DPP10: variants seen among roughly 807,000 people sequenced by gnomAD.
The protein encoded by DPP10 is dipeptidyl peptidase like 10.
In DPP10, 33 loss-of-function variants were observed where a neutral mutation model predicts 120.9. The ratio of observed to expected loss-of-function variants is 0.27; its 90% CI spans 0.21 to 0.37. The LOEUF (loss-of-function observed/expected upper bound fraction) is 0.37, where lower values mean the gene tolerates loss of function less well. Ranked by LOEUF, DPP10 falls within the 10% of genes least tolerant of loss-of-function variation. The pLI, the probability that DPP10 is intolerant of heterozygous loss-of-function variation, is 1.00. For missense variants in DPP10, 816 were observed against 942.8 expected, an observed-to-expected ratio of 0.87 and a Z score of 1.76; for synonymous variants, 337 against 326.1, an observed-to-expected ratio of 1.03 and a Z score of -0.36.
At chr2:114,846,747 G>A (rs1688576731) in intron 1 of DPP10, among the ~76,000 whole-genome samples, 1 of 152,056 alleles carries the variant, frequency 6.6e-6, no homozygotes, top group Admixed American at 6.6e-5. Flanking sequence ...TTTATGAGTT[G>A]TTCATAGAAA....
At chr2:115,631,037 C>CTTTTTTTTTTTTTTTTTTTTT (rs58468918) in intron 5 of DPP10, among the ~76,000 whole-genome samples, 2 of 111,356 alleles carry the variant, frequency 1.8e-5, no homozygotes, top group African/African-American at 4.6e-5. Flanking sequence ...TGATCCTGGG[C>CTTTTTTTTTTTTTTTTTTTTT]TTTTTTTTTT....
At chr2:114,478,410 ATTTC>A (rs938567426) in intron 1 of DPP10, among the ~76,000 whole-genome samples, 1 of 152,112 alleles carries the variant, frequency 6.6e-6, no homozygotes, top group African/African-American at 2.4e-5. Flanking sequence ...ATAGAGAGAA[ATTTC>A]CTTAACTTGA....
At chr2:114,939,155 A>T (rs1696705145) in intron 1 of DPP10, among the ~76,000 whole-genome samples, 1 of 152,146 alleles carries the variant, frequency 6.6e-6, no homozygotes, top group African/African-American at 2.4e-5. Context: ...GACAGTTATA[A>T]GAAGAAGAAA....
chr2:115,013,182 C>G (rs1321028678), intron 1 of DPP10, among the ~76,000 whole-genome samples: 1 of 152,136 alleles, frequency 6.6e-6, no homozygotes, highest in Non-Finnish European at 1.5e-5. Context: ...TCTTGTAAGG[C>G]AGGCCTGGTG....
At chr2:115,214,603 A>G (rs1160791855) in intron 1 of DPP10, among the ~76,000 whole-genome samples, 1 of 152,156 alleles carries the variant, frequency 6.6e-6, no homozygotes, top group South Asian at 2.1e-4. Flanking sequence ...TACTTGTGTC[A>G]CTGAACATGT....
intron 3 of DPP10, among the ~76,000 whole-genome samples, chr2:115,349,384 G>A (rs1157175575): frequency 6.6e-6 from 1 of 151,994 alleles, no homozygotes; most frequent in Non-Finnish European, 1.5e-5. Context: ...GGACATTAGT[G>A]CCATAGCTAG....
chr2:115,450,759 T>C (rs2073044625), intron 3 of DPP10, among the ~76,000 whole-genome samples: 2 of 151,884 alleles, frequency 1.3e-5, no homozygotes, highest in African/African-American at 4.8e-5. Context: ...ACTCTGAATG[T>C]TCAGGAAACT....
intron 5 of DPP10, among the ~76,000 whole-genome samples, chr2:115,553,417 T>C (rs1473515102): frequency 1.3e-5 from 2 of 152,074 alleles, no homozygotes; most frequent in African/African-American, 4.8e-5. Context: ...TATTAACATA[T>C]ATTAATAAGC....
At chr2:115,753,078 C>A (rs907709101) in intron 10 of DPP10, 96 bp from the exon 11 acceptor site, 2 of 1,138,782 alleles carry the variant, frequency 1.8e-6, no homozygotes, top group Non-Finnish European at 2.4e-6. Context: ...TATAGTGGTT[C>A]AGTTATTCTT....
At chr2:114,664,235 CTCACTGAAGAG>C (rs1697718681) in intron 1 of DPP10, among the ~76,000 whole-genome samples, 1 of 151,866 alleles carries the variant, frequency 6.6e-6, no homozygotes, top group Admixed American at 6.6e-5. Context: ...TTCCCTTCTT[CTCACTGAAGAG>C]AAAATTAACA....
intron 1 of DPP10, among the ~76,000 whole-genome samples, chr2:115,264,537 AAGAGGAGCATTAT>A (rs1238535419): frequency 6.6e-6 from 1 of 152,210 alleles, no homozygotes; most frequent in African/African-American, 2.4e-5. Context: ...AAAGTCAGTG[AAGAGGAGCATTAT>A]AGAGGCATTG....
intron 1 of DPP10, among the ~76,000 whole-genome samples, chr2:115,290,773 C>T (rs529614606): frequency 6.6e-6 from 1 of 152,102 alleles, no homozygotes; most frequent in Non-Finnish European, 1.5e-5. Flanking sequence ...CATGCACTTG[C>T]AACAAGATTG....
At chr2:114,636,223 G>A (rs1695292369) in intron 1 of DPP10, among the ~76,000 whole-genome samples, 1 of 151,960 alleles carries the variant, frequency 6.6e-6, no homozygotes, top group Non-Finnish European at 1.5e-5. Context: ...GCTTTGATAT[G>A]CAGCAGAACT....
chr2:115,529,177 G>T (rs1488081559), intron 5 of DPP10, among the ~76,000 whole-genome samples: 6 of 149,536 alleles, frequency 4.0e-5, no homozygotes, highest in Admixed American at 3.3e-4. Flanking sequence ...TTTTTTTTCC[G>T]GTGGGAGGGA....
intron 1 of DPP10, among the ~76,000 whole-genome samples, chr2:115,183,870 A>T (rs183006501): frequency 2.2e-3 from 342 of 152,246 alleles, no homozygotes; most frequent in Non-Finnish European, 3.7e-3. Context: ...GAGGAGGGGA[A>T]TCCAGAGGAC....
chr2:114,767,207 C>CAAAAAAAAAAAAAAAAAAAAAAAAAAAAT (rs5833559), intron 1 of DPP10, among the ~76,000 whole-genome samples: 1 of 33,060 alleles, frequency 3.0e-5, no homozygotes, highest in Non-Finnish European at 5.0e-5. Context: ...AGGATAAAAG[C>CAAAAAAAAAAAAAAAAAAAAAAAAAAAAT]AAAAAAAAAA....
intron 18 of DPP10, 51 bp downstream of exon 18, chr2:115,791,230 T>TA: frequency 6.2e-7 from 1 of 1,606,508 alleles, no homozygotes; most frequent in South Asian, 1.1e-5. Flanking sequence ...CTCTGCGTCT[T>TA]ATAGTTTTAC....
chr2:114,986,086 T>C (rs1700375812), intron 1 of DPP10, among the ~76,000 whole-genome samples: 1 of 152,214 alleles, frequency 6.6e-6, no homozygotes, highest in Non-Finnish European at 1.5e-5. Flanking sequence ...TGTAACAACG[T>C]TTGAAATAAT....
intron 1 of DPP10, among the ~76,000 whole-genome samples, chr2:114,889,100 T>C (rs1692327034): frequency 6.6e-6 from 1 of 152,064 alleles, no homozygotes. Flanking sequence ...AGAAGGATGG[T>C]CATCTACAAG....
Sources: gnomAD v4.1 joint callset for allele counts (sites outside exome capture counted in the v4.1 genomes callset) on GRCh38, gnomAD v4.1.1 for gene constraint, MANE v1.5 for transcripts, NCBI Gene and HGNC (gene_info 2026-07-23, HGNC 2026-07-21) for gene names.